Variants in TFCP2L1 observed in about 807,000 individuals in gnomAD.
TFCP2L1 encodes transcription factor CP2 like 1.
In TFCP2L1, 12 loss-of-function variants were observed where a neutral mutation model predicts 72.2. The ratio of observed to expected loss-of-function variants is 0.17; its 90% confidence interval spans 0.11 to 0.27. The LOEUF (loss-of-function observed/expected upper bound fraction) is 0.27, where lower values mean the gene tolerates loss of function less well. Among genes scored for constraint, TFCP2L1 ranks in the 10% least tolerant of loss-of-function variants. The pLI is 1.00. For missense variants in TFCP2L1, 488 were observed against 624.6 expected (o/e 0.78, Z 2.33); for synonymous variants, 260 against 251.0 (o/e 1.04, Z -0.34).
chr2:121,275,730 C>T (rs1292985056), intron 2 of TFCP2L1, among the ~76,000 whole-genome samples: 3 of 151,940 alleles, frequency 2.0e-5, no homozygotes, highest in Non-Finnish European at 4.4e-5. Flanking sequence ...GCCATCACGC[C>T]CAGCTGATTT....
intron 6 of TFCP2L1, among the ~76,000 whole-genome samples, chr2:121,243,423 C>A (rs1033629483): frequency 6.6e-6 from 1 of 152,224 alleles, no homozygotes; most frequent in African/African-American, 2.4e-5. Flanking sequence ...GGTCCTCAAC[C>A]TCTGGGCCAC....
intron 2 of TFCP2L1, among the ~76,000 whole-genome samples, chr2:121,261,517 A>G (rs1686829181): frequency 6.6e-6 from 1 of 152,254 alleles, no homozygotes; most frequent in African/African-American, 2.4e-5. Flanking sequence ...AAATGATTTC[A>G]GTTTTACCCA....
chr2:121,246,411 A>G (rs1686482578), intron 6 of TFCP2L1, among the ~76,000 whole-genome samples: 1 of 152,266 alleles, frequency 6.6e-6, no homozygotes, highest in Non-Finnish European at 1.5e-5. Context: ...CCAGGCCTCC[A>G]GCAGGGAGAG....
At chr2:121,283,764 A>G (rs1282439476) in intron 1 of TFCP2L1, among the ~76,000 whole-genome samples, 2 of 152,256 alleles carry the variant, frequency 1.3e-5, no homozygotes, top group Non-Finnish European at 2.9e-5. Flanking sequence ...ACTAAAACTT[A>G]GCCAAAGCTA....
intron 1 of TFCP2L1, among the ~76,000 whole-genome samples, 186 bp from the exon 2 acceptor site, chr2:121,281,457 G>A (rs1196087881): frequency 2.0e-5 from 3 of 152,040 alleles, no homozygotes; most frequent in African/African-American, 4.8e-5. Flanking sequence ...AGAGGAAACC[G>A]CTCCTTCGTG....
At chr2:121,231,334 C>T (rs1686139430) in intron 13 of TFCP2L1, among the ~76,000 whole-genome samples, 1 of 152,224 alleles carries the variant, frequency 6.6e-6, no homozygotes, top group African/African-American at 2.4e-5. Context: ...GACCACAGTA[C>T]CTGAGCCCTC....
At chr2:121,270,343 G>A (rs1014738505) in intron 2 of TFCP2L1, among the ~76,000 whole-genome samples, 8 of 152,182 alleles carry the variant, frequency 5.3e-5, no homozygotes, top group African/African-American at 1.9e-4. Context: ...AAAAGATAAG[G>A]GAGGAGAAAA....
rs986137428 is a variant in TFCP2L1, at chr2:121,222,329, G to A, written c.*2012C>T. The A allele has an allele frequency of 2.0e-5, 3 of 152,152 alleles. No individual in the cohort carries two copies. The East Asian group carries it at 5.8e-4, about 29-fold the overall frequency. The allele number at this position is 152,152 out of a possible 1,614,324, so 9.4% of individuals were successfully genotyped here. A position where few individuals can be genotyped will look rare whatever the true frequency, so the allele number is the denominator to read the frequency against. On this transcript the variant is annotated 3_prime_UTR_variant, in exon 15 of 15. Transcript: ENST00000263707. ...ATTGCTAAAAGAAATGAAAACATAT[G>A]TCCACACAAAATCTTGTAGAAATAT... is the stretch of plus-strand genomic sequence containing the variant.
chr2:121,258,729 G>T (rs1440276845), intron 2 of TFCP2L1, among the ~76,000 whole-genome samples: 1 of 152,218 alleles, frequency 6.6e-6, no homozygotes, highest in Non-Finnish European at 1.5e-5. Context: ...TTCAAGCGGG[G>T]TCAGGAGTGG....
At chr2:121,282,342 A>T (rs1377945176) in intron 1 of TFCP2L1, among the ~76,000 whole-genome samples, 1 of 150,236 alleles carries the variant, frequency 6.7e-6, no homozygotes, top group Non-Finnish European at 1.5e-5. Flanking sequence ...AAAAAAAAAA[A>T]AATGAAGTCA....
chr2:121,260,433 G>A (rs537766310), intron 2 of TFCP2L1, among the ~76,000 whole-genome samples: 6 of 152,298 alleles, frequency 3.9e-5, no homozygotes, highest in African/African-American at 9.6e-5. Flanking sequence ...CCGCCCACAC[G>A]TATTAATAGT....
At chr2:121,267,638 C>A (rs1686958573) in intron 2 of TFCP2L1, among the ~76,000 whole-genome samples, 1 of 152,082 alleles carries the variant, frequency 6.6e-6, no homozygotes, top group South Asian at 2.1e-4. Context: ...GGACTACAGG[C>A]ATGTGCCACC....
intron 14 of TFCP2L1, 119 bp from the exon 15 acceptor site, chr2:121,224,506 A>G (rs1685984431): frequency 1.0e-6 from 1 of 953,650 alleles, no homozygotes; most frequent in Non-Finnish European, 1.6e-6. Context: ...ATAGGGCTGC[A>G]TACAGCAAAG....
chr2:121,282,796 G>A (rs1410201479), intron 1 of TFCP2L1, among the ~76,000 whole-genome samples: 2 of 151,986 alleles, frequency 1.3e-5, no homozygotes, highest in South Asian at 2.1e-4. Context: ...TCTGTTCCTC[G>A]CACATCATAA....
At chr2:121,269,043 G>A (rs1686990085) in intron 2 of TFCP2L1, among the ~76,000 whole-genome samples, 1 of 150,920 alleles carries the variant, frequency 6.6e-6, no homozygotes, top group Non-Finnish European at 1.5e-5. Context: ...TTAAAAAAAA[G>A]ATGGATATCA....
chr2:121,249,296 C>T (rs1178593940), intron 3 of TFCP2L1, among the ~76,000 whole-genome samples: 1 of 152,186 alleles, frequency 6.6e-6, no homozygotes, highest in Non-Finnish European at 1.5e-5. Context: ...CCATTTGTCC[C>T]AGTATTACTA....
chr2:121,234,298 G>T, intron 11 of TFCP2L1, 104 bp from the exon 12 acceptor site: 1 of 1,072,986 alleles, frequency 9.3e-7, no homozygotes, highest in Non-Finnish European at 1.4e-6. Flanking sequence ...CAGGGAGGAA[G>T]AAAGACAGCG....
At chr2:121,256,958 C>A (rs936518863) in intron 2 of TFCP2L1, among the ~76,000 whole-genome samples, 1 of 151,830 alleles carries the variant, frequency 6.6e-6, no homozygotes, top group Non-Finnish European at 1.5e-5. Context: ...CTGCAACGGC[C>A]CCAGGAAACC....
At chr2:121,258,969 C>T (rs1291847679) in intron 2 of TFCP2L1, among the ~76,000 whole-genome samples, 2 of 151,998 alleles carry the variant, frequency 1.3e-5, no homozygotes, top group African/African-American at 2.4e-5. Context: ...GTTGTCTGCT[C>T]GGGCGCGGTG....
Sources: allele counts gnomAD v4.1 joint callset (sites outside exome capture counted in the v4.1 genomes callset), GRCh38; gene constraint gnomAD v4.1.1; transcripts MANE v1.5; gene names NCBI Gene and HGNC (gene_info 2026-07-23, HGNC 2026-07-21).